The following RPL22 variants were observed in gnomAD, a reference collection of about 807,000 sequenced individuals.
RPL22 encodes the protein large ribosomal subunit protein eL22.
RPL22 carries 4 observed loss-of-function variants against 16.2 expected under a neutral mutation model. The observed-to-expected ratio is 0.25, with a 90% confidence interval of 0.12 to 0.57. The LOEUF (loss-of-function observed/expected upper bound fraction) is 0.57, where lower values mean the gene tolerates loss of function less well. Among genes scored for constraint, RPL22 ranks in the 20% least tolerant of loss-of-function variants. The probability of loss-of-function intolerance (pLI) is 0.92; values close to 1 mark genes in which losing one functional copy is unlikely to be tolerated. For synonymous variants in RPL22, 43 were observed against 54.8 expected (o/e 0.78, Z 0.95); for missense variants, 83 against 156.1 (o/e 0.53, Z 2.49).
chr1:6,193,406 C>A (rs1667677216), intron 2 of RPL22, among the ~76,000 whole-genome samples: 1 of 151,324 alleles, frequency 6.6e-6, no homozygotes, highest in African/African-American at 2.4e-5. Flanking sequence ...CTCACTGCAA[C>A]CTCCGCCTCC....
intron 1 of RPL22, 36 bp downstream of exon 1, chr1:6,199,526 C>T (rs778042326): frequency 1.1e-4 from 177 of 1,553,814 alleles, no homozygotes; most frequent in Non-Finnish European, 1.4e-4. Context: ...CACGTGCCTC[C>T]CCTGGAGCCG....
rs1351470416 is a variant in RPL22, at chr1:6,186,053, A to G, written c.*619T>C. ...TACTTACACGTTCATTTCTGTACAC[A>G]TTTAGTTAATTTAGAACCTGGGACT... On this transcript the variant is annotated 3_prime_UTR_variant, in exon 4 of 4. Transcript: ENST00000234875. 3 of 231,254 alleles carry G rather than the reference A, an allele frequency of 1.3e-5. No individual in the cohort carries two copies. Among genetic ancestry groups the G allele is most frequent in the Non-Finnish European group, 2.6e-5 (3 of 116,918 alleles). The allele number at this position is 231,254 out of a possible 1,614,324, so 14.3% of individuals were successfully genotyped here. A position where few individuals can be genotyped will look rare whatever the true frequency, so the allele number is the denominator to read the frequency against.
rs1328231194 is a variant in RPL22 at position 6,189,064 on chromosome 1, G to A, written c.243-2248C>T. On this transcript the variant is annotated intron_variant, in intron 3 of 3. Coordinates refer to ENST00000234875, the MANE Select transcript of RPL22 (RefSeq NM_000983.4). Reference sequence around the variant, plus strand: ...GCCTCCCAAAGTGCTGGGATTACAGGCGTGAGCCACCGCGCTCAGCATGGA... The same window carrying A: ...GCCTCCCAAAGTGCTGGGATTACAGACGTGAGCCACCGCGCTCAGCATGGA... 6.6e-5 allele frequency among the ~76,000 whole-genome samples: 10 copies of A among 152,262 alleles called. No homozygotes were observed. The East Asian group carries it at 1.9e-3, about 29-fold the overall frequency.
chr1:6,191,632 G>A (rs1330817753), intron 3 of RPL22, among the ~76,000 whole-genome samples: 87 of 147,708 alleles, frequency 5.9e-4, no homozygotes, highest in Admixed American at 2.2e-3. Flanking sequence ...CCGAGATCTC[G>A]CCACTGCACT....
chr1:6,197,641 A>AT lies in RPL22; in HGVS notation c.117+10dup, dbSNP rs761140121. ...CGTGACCACCCGAGTGGCAATAAGG[A>AT]TGTAACTTACAAAATTGGCAGCATC... On this transcript the variant is annotated intron_variant, in intron 2 of 3. Coordinates refer to ENST00000234875, the MANE Select transcript of RPL22 (RefSeq NM_000983.4). 1.3e-6 allele frequency: 2 copies of AT among 1,572,462 alleles called. No individual in the cohort carries two copies. Among genetic ancestry groups the AT allele is most frequent in the Non-Finnish European group, 8.7e-7 (1 of 1,143,000 alleles).
In RPL22 at chr1:6,185,160, TC is replaced by T. The variant is rs1667568325; in HGVS notation, c.*1511del. 1 of 395,920 alleles carries T rather than the reference TC, an allele frequency of 2.5e-6. No homozygotes were observed. The highest frequency in any genetic ancestry group is 2.1e-5 in the African/African-American group (1 of 48,726). The allele number at this position is 395,920 out of a possible 1,614,324, so 24.5% of individuals were successfully genotyped here. On this transcript the variant is annotated 3_prime_UTR_variant, in exon 4 of 4. Transcript: ENST00000234875. The stretch of plus-strand genomic sequence containing the variant: ...CAAATCTGGGACTAGTTTCTTTTTT[TC>T]TTTTAACTGAAATGCCAACTTCAGC...
intron 2 of RPL22, among the ~76,000 whole-genome samples, chr1:6,196,529 G>A (rs1277869146): frequency 1.3e-5 from 2 of 152,144 alleles, no homozygotes; most frequent in Non-Finnish European, 2.9e-5. Flanking sequence ...TAATGATACT[G>A]ATCCTGGCAA....
intron 2 of RPL22, 63 bp from the exon 3 acceptor site, chr1:6,193,117 A>G: frequency 6.3e-7 from 1 of 1,579,098 alleles, no homozygotes; most frequent in Non-Finnish European, 8.7e-7. Flanking sequence ...AGAATATTTT[A>G]TCTGTCTCCC....
chr1:6,199,356 T>G, intron 1 of RPL22: 2 of 1,305,012 alleles, frequency 1.5e-6, no homozygotes, highest in Non-Finnish European at 2.0e-6. Context: ...ACCTCCCGGA[T>G]CTCCCTCACG....
At chr1:6,190,968 A>C (rs893936603) in intron 3 of RPL22, among the ~76,000 whole-genome samples, 1 of 152,170 alleles carries the variant, frequency 6.6e-6, no homozygotes, top group Admixed American at 6.5e-5. Context: ...CATGCCTGTA[A>C]TCCCAGCACT....
At chr1:6,195,861 G>C (rs1001199406) in intron 2 of RPL22, among the ~76,000 whole-genome samples, 1 of 151,984 alleles carries the variant, frequency 6.6e-6, no homozygotes, top group Non-Finnish European at 1.5e-5. Flanking sequence ...TCAGGGGTTC[G>C]AGACCAGCCT....
chr1:6,191,095 C>T (rs974804017), intron 3 of RPL22, among the ~76,000 whole-genome samples: 3 of 151,974 alleles, frequency 2.0e-5, no homozygotes, highest in Non-Finnish European at 4.4e-5. Flanking sequence ...CGCGGTGGCT[C>T]ACGCCTGTAA....
At chr1:6,188,027 ACACT>A (rs1667603723) in intron 3 of RPL22, among the ~76,000 whole-genome samples, 1 of 139,200 alleles carries the variant, frequency 7.2e-6, no homozygotes. Flanking sequence ...TGAGAGCTAA[ACACT>A]CACCACAACA....
At chr1:6,197,092 C>G (rs1021029860) in intron 2 of RPL22, among the ~76,000 whole-genome samples, 6 of 152,222 alleles carry the variant, frequency 3.9e-5, no homozygotes, top group Admixed American at 3.3e-4. Flanking sequence ...TGCAATGGTG[C>G]GATCTCTGCT....
At chr1:6,194,157 G>C (rs1371809671) in intron 2 of RPL22, among the ~76,000 whole-genome samples, 1 of 151,876 alleles carries the variant, frequency 6.6e-6, no homozygotes, top group Non-Finnish European at 1.5e-5. Context: ...AGTGAGCCGA[G>C]ATCACACCAC....
chr1:6,191,511 CA>C (rs1203497554), intron 3 of RPL22, among the ~76,000 whole-genome samples: 310 of 109,814 alleles, frequency 2.8e-3, no homozygotes, highest in Admixed American at 2.8e-3. Context: ...ACTAAAAATA[CA>C]AAAAAAAAAA....
chr1:6,191,486 T>G (rs1571186067), intron 3 of RPL22, among the ~76,000 whole-genome samples: 1 of 135,722 alleles, frequency 7.4e-6, no homozygotes, highest in Middle Eastern at 5.1e-3. Context: ...GCTAACACGG[T>G]GAAACCCCGT....
At chr1:6,196,982 C>T (rs1379686361) in intron 2 of RPL22, among the ~76,000 whole-genome samples, 1 of 152,210 alleles carries the variant, frequency 6.6e-6, no homozygotes, top group Non-Finnish European at 1.5e-5. Flanking sequence ...CACCAAACAG[C>T]AAGGGGGATG....
intron 2 of RPL22, among the ~76,000 whole-genome samples, chr1:6,195,741 A>T (rs2100906877): frequency 6.6e-6 from 1 of 151,948 alleles, no homozygotes; most frequent in South Asian, 2.1e-4. Context: ...ACAGAGTGAG[A>T]TTCCACCTCA....
Sources: gnomAD v4.1 joint callset for allele counts (sites outside exome capture counted in the v4.1 genomes callset) on GRCh38, gnomAD v4.1.1 for gene constraint, MANE v1.5 for transcripts, NCBI Gene and HGNC (gene_info 2026-07-23, HGNC 2026-07-21) for gene names.